CADPS2: variants seen among roughly 807,000 people sequenced by gnomAD.
The protein encoded by CADPS2 is calcium-dependent secretion activator 2.
CADPS2 carries 93 observed loss-of-function variants against 172.5 expected under a neutral mutation model. That is an observed-to-expected ratio of 0.54 (90% CI 0.46 to 0.64). The LOEUF (loss-of-function observed/expected upper bound fraction) is 0.64, where lower values mean the gene tolerates loss of function less well. Ranked by LOEUF, CADPS2 falls within the 30% of genes least tolerant of loss-of-function variation. The pLI is 0.00. For synonymous variants in CADPS2, 546 were observed against 555.2 expected (o/e 0.98, Z 0.23); for missense variants, 1,420 against 1,565.9 (o/e 0.91, Z 1.57).
At chr7:122,720,882 T>G (rs1399457488) in intron 2 of CADPS2, among the ~76,000 whole-genome samples, 1 of 151,960 alleles carries the variant, frequency 6.6e-6, no homozygotes, top group Non-Finnish European at 1.5e-5. Context: ...TTTTTGTACA[T>G]CAAAAATGGC....
intron 8 of CADPS2, among the ~76,000 whole-genome samples, chr7:122,530,439 T>C (rs867985618): frequency 7.2e-5 from 11 of 151,962 alleles, no homozygotes; most frequent in Non-Finnish European, 1.3e-4. Context: ...TTCTATGCCA[T>C]AGTATACTCT....
intron 8 of CADPS2, among the ~76,000 whole-genome samples, chr7:122,532,983 A>T (rs2061911262): frequency 6.6e-6 from 1 of 152,028 alleles, no homozygotes; most frequent in African/African-American, 2.4e-5. Flanking sequence ...TGCTTTGCCC[A>T]TAACATACTC....
chr7:122,405,859 C>T (rs1298827879), intron 20 of CADPS2, among the ~76,000 whole-genome samples: 1 of 152,068 alleles, frequency 6.6e-6, no homozygotes, highest in Non-Finnish European at 1.5e-5. Context: ...ACAAAATCTA[C>T]AGTATTTATT....
intron 27 of CADPS2, among the ~76,000 whole-genome samples, chr7:122,346,325 G>A (rs936638923): frequency 2.0e-5 from 3 of 152,106 alleles, no homozygotes; most frequent in Non-Finnish European, 1.5e-5. Context: ...CTGTCATCAT[G>A]CCACTGTACT....
chr7:122,532,810 G>C (rs2131364736), intron 8 of CADPS2, among the ~76,000 whole-genome samples: 2 of 152,076 alleles, frequency 1.3e-5, no homozygotes, highest in Middle Eastern at 3.4e-3. Context: ...CAATTTTAAT[G>C]GAAATAAACC....
chr7:122,327,971 A>T (rs11762897), intron 28 of CADPS2, among the ~76,000 whole-genome samples: 31,945 of 151,838 alleles, frequency 0.21, 3,848 homozygotes, highest in East Asian at 0.44. Context: ...AAGAACGTAT[A>T]TTTTGGCTCC....
intron 25 of CADPS2, 45 bp from the exon 26 acceptor site, chr7:122,361,058 C>T (rs2040058238): frequency 1.4e-6 from 2 of 1,463,106 alleles, no homozygotes; most frequent in African/African-American, 1.4e-5. Context: ...ACTATGCATA[C>T]AAACTAATAG....
At chr7:122,575,300 T>C (rs1194482244) in intron 7 of CADPS2, among the ~76,000 whole-genome samples, 2 of 152,078 alleles carry the variant, frequency 1.3e-5, no homozygotes, top group African/African-American at 2.4e-5. Flanking sequence ...TTTATTGACA[T>C]GTTGGGATAA....
Position 122,505,485 on chromosome 7 carries a change from T to A in CADPS2, c.1542+7764A>T, listed in dbSNP as rs568131696. On this transcript the variant is annotated intron_variant, in intron 9 of 29. Coordinates refer to ENST00000449022, the MANE Select transcript of CADPS2 (RefSeq NM_017954.11). ...AATCACTCCATTTCTAGAGGCATGGTCACTTAAATGGCAAAGTATTGAAAC... is the reference window on the plus strand; with the variant it reads ...AATCACTCCATTTCTAGAGGCATGGACACTTAAATGGCAAAGTATTGAAAC... Among the ~76,000 whole-genome samples the A allele has an allele frequency of 5.9e-5, 9 of 152,220 alleles. 1 individual carries two copies. Among genetic ancestry groups the A allele is most frequent in the Non-Finnish European group, 5.9e-5 (4 of 68,030 alleles).
chr7:122,339,388 G>A (rs1296791066), intron 28 of CADPS2, among the ~76,000 whole-genome samples: 2 of 151,902 alleles, frequency 1.3e-5, no homozygotes, highest in East Asian at 3.9e-4. Context: ...CCTTATCCAT[G>A]TTTTGTTGAT....
intron 2 of CADPS2, among the ~76,000 whole-genome samples, chr7:122,710,870 T>C (rs2088588493): frequency 6.6e-6 from 1 of 152,136 alleles, no homozygotes; most frequent in Non-Finnish European, 1.5e-5. Flanking sequence ...TTGTGAGCAG[T>C]GGTCTTATCT....
chr7:122,493,214 CAT>C (rs1017431412), intron 9 of CADPS2, among the ~76,000 whole-genome samples: 24 of 152,132 alleles, frequency 1.6e-4, no homozygotes, highest in Non-Finnish European at 3.1e-4. Context: ...ACTCAGAACA[CAT>C]GTTGGAAAAA....
At chr7:122,333,483 C>A (rs1463706272) in intron 28 of CADPS2, among the ~76,000 whole-genome samples, 3 of 152,178 alleles carry the variant, frequency 2.0e-5, no homozygotes, top group African/African-American at 7.2e-5. Flanking sequence ...AACTGACCCA[C>A]CTGCAGCTCT....
At chr7:122,513,489 T>C (rs1189548796) in intron 8 of CADPS2, among the ~76,000 whole-genome samples, 174 bp from the exon 9 acceptor site, 2 of 152,212 alleles carry the variant, frequency 1.3e-5, no homozygotes, top group African/African-American at 4.8e-5. Flanking sequence ...TGAGTTAGCT[T>C]ATTCTGGGTT....
intron 3 of CADPS2, among the ~76,000 whole-genome samples, chr7:122,633,986 C>CACCACATAA (rs2076817958): frequency 6.6e-6 from 1 of 152,012 alleles, no homozygotes; most frequent in Non-Finnish European, 1.5e-5. Context: ...GGTGAATTAT[C>CACCACATAA]TTTATTTATT....
chr7:122,793,811 A>C (rs1795794674), intron 1 of CADPS2, among the ~76,000 whole-genome samples: 1 of 152,058 alleles, frequency 6.6e-6, no homozygotes, highest in African/African-American at 2.4e-5. Flanking sequence ...GAGCTCTTGT[A>C]AGGCATGTCT....
chr7:122,860,394 ATTT>A (rs567689878), intron 1 of CADPS2, among the ~76,000 whole-genome samples: 3 of 151,890 alleles, frequency 2.0e-5, no homozygotes, highest in African/African-American at 7.3e-5. Context: ...ACCTGGCTAA[ATTT>A]TTTACTTTTT....
At position 122,554,538 on chromosome 7, in the gene CADPS2, A is replaced by G; in HGVS notation, c.1475+12T>C. The G allele has an allele frequency of 6.4e-7, 1 of 1,565,152 alleles. No individual in the cohort carries two copies. The highest frequency in any genetic ancestry group is 8.6e-7 in the Non-Finnish European group (1 of 1,159,754). On this transcript the variant is annotated intron_variant, in intron 8 of 29. Transcript: ENST00000449022. Reference sequence around the variant, plus strand: ...AATAATTCAGGAAAAAAATCCTCAAATTTATACTCACCCACTATGCTTCAT... The same window carrying G: ...AATAATTCAGGAAAAAAATCCTCAAGTTTATACTCACCCACTATGCTTCAT...
chr7:122,436,461 A>G (rs2050656964), intron 17 of CADPS2: 1 of 717,266 alleles, frequency 1.4e-6, no homozygotes, highest in Non-Finnish European at 2.0e-6. Flanking sequence ...CCACTTTCTA[A>G]CTTAAGTTTG....
Sources: gnomAD v4.1 joint callset for allele counts (sites outside exome capture counted in the v4.1 genomes callset) on GRCh38, gnomAD v4.1.1 for gene constraint, MANE v1.5 for transcripts, NCBI Gene and HGNC (gene_info 2026-07-23, HGNC 2026-07-21) for gene names.